Variants in CAST observed in about 807,000 individuals in gnomAD.
The protein encoded by CAST is MIR583 host.
A neutral mutation model predicts 119.6 loss-of-function variants in CAST; 76 were observed. That is an observed-to-expected ratio of 0.64 (90% CI 0.53 to 0.77). The LOEUF (loss-of-function observed/expected upper bound fraction) is 0.77, where lower values mean the gene tolerates loss of function less well. Ranked by LOEUF, CAST falls within the 30% of genes least tolerant of loss-of-function variation. CAST has a pLI of 0.00. For synonymous variants in CAST, 319 were observed against 331.6 expected (o/e 0.96, Z 0.41); for missense variants, 953 against 946.5 (o/e 1.01, Z -0.09).
chr5:96,107,547 T>C, the CAST span, among the ~76,000 whole-genome samples: 3 of 152,216 alleles, frequency 2.0e-5, no homozygotes, highest in Non-Finnish European at 2.9e-5. Flanking sequence ...TGTTGAATAC[T>C]GGCCCCCACT....
the CAST span, among the ~76,000 whole-genome samples, chr5:96,249,123 T>TTTAG: frequency 1.3e-5 from 2 of 152,216 alleles, no homozygotes; most frequent in East Asian, 3.8e-4. Flanking sequence ...TGGGGTGATA[T>TTTAG]TTAGAGACAA....
chr5:96,510,154 C>T, the CAST span, among the ~76,000 whole-genome samples: 2 of 152,058 alleles, frequency 1.3e-5, no homozygotes, highest in Non-Finnish European at 2.9e-5. Context: ...TCTGGGAAGT[C>T]CAAGTTATTT....
At chr5:96,592,574 A>T (rs542998093) in intron 1 of CAST, among the ~76,000 whole-genome samples, 1 of 152,288 alleles carries the variant, frequency 6.6e-6, no homozygotes, top group South Asian at 2.1e-4. Flanking sequence ...CTTATAGCAT[A>T]GCAATGACTT....
chr5:96,531,045 A>G (rs1310872854), intron 1 of CAST, among the ~76,000 whole-genome samples: 2 of 152,200 alleles, frequency 1.3e-5, no homozygotes, highest in Admixed American at 6.5e-5. Flanking sequence ...TGCTAGCCTT[A>G]GCTTCCCAAA....
Position 96,766,050 on chromosome 5 carries a change from T to C in CAST, c.2038-3T>C, listed in dbSNP as rs750205580. On this transcript the variant is annotated splice_polypyrimidine_tract_variant and splice_region_variant and intron_variant, in intron 26 of 31. Transcript: ENST00000675179. ...TAATTCTATCTGCTCACTGTTGATA[T>C]AGGAAAAAGCTAAAGCTGAACATAG... 53 of 1,557,634 alleles carry C rather than the reference T, an allele frequency of 3.4e-5. No individual in the cohort carries two copies. Among genetic ancestry groups the C allele is most frequent in the Non-Finnish European group, 4.5e-5 (51 of 1,130,858 alleles).
intron 1 of CAST, among the ~76,000 whole-genome samples, chr5:96,671,148 T>C (rs1322080875): frequency 1.3e-5 from 2 of 150,442 alleles, no homozygotes; most frequent in Non-Finnish European, 3.0e-5. Context: ...CTTGATCTGA[T>C]TTTTTTCTCT....
At chr5:96,013,539 A>G in the CAST span, among the ~76,000 whole-genome samples, 1 of 152,140 alleles carries the variant, frequency 6.6e-6, no homozygotes, top group Non-Finnish European at 1.5e-5. Context: ...GTGATTATAT[A>G]CAGTCATGCT....
chr5:96,071,745 T>TA, the CAST span, among the ~76,000 whole-genome samples: 1,338 of 152,232 alleles, frequency 8.8e-3, 27 homozygotes, highest in African/African-American at 0.031. Context: ...CTAGTTTTTT[T>TA]AAAAAAAGTT....
chr5:96,413,250 A>G, the CAST span, among the ~76,000 whole-genome samples: 2 of 152,220 alleles, frequency 1.3e-5, no homozygotes, highest in African/African-American at 2.4e-5. Flanking sequence ...CATCAGGACA[A>G]TGTAGGTGCG....
At chr5:96,104,620 C>T in the CAST span, among the ~76,000 whole-genome samples, 13 of 151,578 alleles carry the variant, frequency 8.6e-5, no homozygotes, top group East Asian at 3.9e-4. Context: ...CAGTACCATG[C>T]TGTTTTGGTT....
chr5:96,115,425 G>T, the CAST span, among the ~76,000 whole-genome samples: 4 of 152,174 alleles, frequency 2.6e-5, no homozygotes, highest in African/African-American at 9.7e-5. Flanking sequence ...CACTTTTAAT[G>T]AATTAACTCA....
At chr5:96,188,374 T>C in the CAST span, among the ~76,000 whole-genome samples, 8 of 152,200 alleles carry the variant, frequency 5.3e-5, no homozygotes, top group African/African-American at 1.7e-4. Flanking sequence ...TCTTGATTAG[T>C]CCACTTTAAA....
chr5:96,304,891 C>T, the CAST span, among the ~76,000 whole-genome samples: 1 of 152,138 alleles, frequency 6.6e-6, no homozygotes, highest in Non-Finnish European at 1.5e-5. Flanking sequence ...TATGATGCCT[C>T]CAGCTTTGTT....
the CAST span, among the ~76,000 whole-genome samples, chr5:96,095,556 CAAAAAAAAAA>C: frequency 1.7e-5 from 1 of 57,512 alleles, no homozygotes; most frequent in South Asian, 9.9e-4. Flanking sequence ...GACTCTGTTT[CAAAAAAAAAA>C]AAAAAAAAAA....
the CAST span, among the ~76,000 whole-genome samples, chr5:96,156,012 C>G: frequency 3.3e-5 from 5 of 152,190 alleles, no homozygotes; most frequent in African/African-American, 1.2e-4. Context: ...CTTCTCGAAG[C>G]CTTTTGCTAT....
the CAST span, among the ~76,000 whole-genome samples, chr5:96,449,720 G>A: frequency 5.9e-5 from 9 of 152,228 alleles, no homozygotes; most frequent in East Asian, 3.9e-4. Context: ...GTTCAAATGC[G>A]TTATGTAATC....
the CAST span, among the ~76,000 whole-genome samples, chr5:95,985,177 AG>A: frequency 6.6e-6 from 1 of 152,088 alleles, no homozygotes; most frequent in African/African-American, 2.4e-5. Context: ...AGCTGGGTGT[AG>A]TAGCCTGCAC....
chr5:96,325,501 A>G, the CAST span, among the ~76,000 whole-genome samples: 1 of 139,750 alleles, frequency 7.2e-6, no homozygotes, highest in Non-Finnish European at 1.5e-5. Context: ...ATTTTTTGAG[A>G]CGGAGACTCG....
At chr5:95,961,530 T>C in the CAST span, 2 of 1,481,128 alleles carry the variant, frequency 1.4e-6, no homozygotes, top group Non-Finnish European at 1.8e-6. Context: ...CCGTGAGGGG[T>C]GCGCTCTGCC....
Sources: allele counts gnomAD v4.1 joint callset (sites outside exome capture counted in the v4.1 genomes callset), GRCh38; gene constraint gnomAD v4.1.1; transcripts MANE v1.5; gene names NCBI Gene and HGNC (gene_info 2026-07-23, HGNC 2026-07-21).